Variants in ZNF454 observed in about 807,000 individuals in gnomAD.
The protein encoded by ZNF454 is zinc finger protein 454.
A neutral mutation model predicts 48.2 loss-of-function variants in ZNF454; 30 were observed. The observed-to-expected ratio is 0.62, with a 90% confidence interval of 0.47 to 0.84. The LOEUF (loss-of-function observed/expected upper bound fraction) is 0.84. ZNF454 is among the 40% of genes least tolerant of loss of function. ZNF454 has a pLI of 0.00. For missense variants in ZNF454, 510 were observed against 623.1 expected, an observed-to-expected ratio of 0.82 and a Z score of 1.93; for synonymous variants, 204 against 211.4, an observed-to-expected ratio of 0.97 and a Z score of 0.30.
chr5:178,987,102 G>C, the ZNF454 span: 3 of 1,054,044 alleles, frequency 2.8e-6, no homozygotes, highest in South Asian at 4.1e-5. Flanking sequence ...TGCTCATAAG[G>C]GACGTGCAAA....
the ZNF454 span, among the ~76,000 whole-genome samples, chr5:178,983,834 G>A: frequency 1.3e-5 from 2 of 152,308 alleles, no homozygotes; most frequent in East Asian, 3.9e-4. Flanking sequence ...TGGGGAACAG[G>A]AACGAAGCCA....
chr5:178,949,148 T>C (rs1759460208), intron 4 of ZNF454, among the ~76,000 whole-genome samples: 1 of 152,062 alleles, frequency 6.6e-6, no homozygotes, highest in Admixed American at 6.5e-5. Flanking sequence ...TCTCCCGAGT[T>C]CAAGCGATTC....
rs1009354446 is a variant in ZNF454, at chr5:178,944,946, C to G, written c.34-1413C>G. On this transcript the variant is annotated intron_variant, in intron 2 of 4. Coordinates refer to ENST00000519564, the MANE Select transcript of ZNF454 (RefSeq NM_001178089.3). The surrounding 1 kb of genome is among the most constrained non-coding windows in gnomAD (Gnocchi z 4.1). ...TTCTAAGAAAGGGACTAGTTCTAAT[C>G]AGAAGGAACAAGTTTCCTATTGTGC... Among the ~76,000 whole-genome samples the G allele has an allele frequency of 1.3e-5, 2 of 152,120 alleles. No homozygotes were observed. Among genetic ancestry groups the G allele is most frequent in the Non-Finnish European group, 2.9e-5 (2 of 68,028 alleles).
Position 178,946,552 on chromosome 5 carries a change from C to T in ZNF454, c.160+67C>T, listed in dbSNP as rs1374179775. ...TCTCTTTGGGACCCTTACATTGACA[C>T]CATATAGAAGAGTCGGTTGGACCAA... On this transcript the variant is annotated intron_variant, in intron 3 of 4. Coordinates refer to ENST00000519564, the MANE Select transcript of ZNF454 (RefSeq NM_001178089.3). This position sits in a 1 kb window ranked among gnomAD's most constrained non-coding sequence, Gnocchi z 4.5. 4.6e-6 allele frequency: 7 copies of T among 1,533,184 alleles called. No individual in the cohort carries two copies. The highest frequency in any genetic ancestry group is 6.1e-6 in the Non-Finnish European group (7 of 1,143,828). The allele number at this position is 1,533,184 out of a possible 1,614,324, so 95.0% of individuals were successfully genotyped here.
chr5:178,968,034 C>T (rs894959449), downstream of ZNF454, among the ~76,000 whole-genome samples: 3 of 151,956 alleles, frequency 2.0e-5, no homozygotes, highest in Non-Finnish European at 2.9e-5. Flanking sequence ...CCACCGCACC[C>T]GGCCACCTTC....
chr5:178,975,286 C>CA, the ZNF454 span, among the ~76,000 whole-genome samples: 1,424 of 151,680 alleles, frequency 9.4e-3, 20 homozygotes, highest in African/African-American at 0.033. Context: ...GTCTCAAAAA[C>CA]AAAAAAAAGA....
the ZNF454 span, chr5:178,982,943 G>A: frequency 6.2e-7 from 1 of 1,614,076 alleles, no homozygotes; most frequent in Non-Finnish European, 8.5e-7. Flanking sequence ...CAAAGAAGAT[G>A]GGCACGAATG....
chr5:178,951,157 C>G (rs907003027), intron 4 of ZNF454, among the ~76,000 whole-genome samples: 1 of 152,142 alleles, frequency 6.6e-6, no homozygotes, highest in African/African-American at 2.4e-5. Context: ...TGCACCCGGC[C>G]TTAAAGAACT....
At chr5:178,971,918 G>T in the ZNF454 span, among the ~76,000 whole-genome samples, 1 of 151,904 alleles carries the variant, frequency 6.6e-6, no homozygotes, top group African/African-American at 2.4e-5. Context: ...CAGCCAAAAG[G>T]TTTGTTTTTT....
At chr5:178,983,370 C>G in the ZNF454 span, 1 of 761,034 alleles carries the variant, frequency 1.3e-6, no homozygotes, top group Non-Finnish European at 2.3e-6. Context: ...CTCAGGAGCA[C>G]TCAGTGGAGA....
chr5:178,989,257 G>T, the ZNF454 span: 11 of 1,558,120 alleles, frequency 7.1e-6, no homozygotes, highest in Non-Finnish European at 9.6e-6. Flanking sequence ...ACCCTGGGCA[G>T]CTCTCACCTG....
chr5:178,956,285 G>A (rs139696165), intron 4 of ZNF454, among the ~76,000 whole-genome samples: 27 of 152,056 alleles, frequency 1.8e-4, no homozygotes, highest in African/African-American at 5.3e-4. Flanking sequence ...CATTGGGTCC[G>A]TTTTCTCTAG....
At chr5:178,984,972 G>T in the ZNF454 span, among the ~76,000 whole-genome samples, 2 of 152,052 alleles carry the variant, frequency 1.3e-5, no homozygotes, top group Admixed American at 6.5e-5. Context: ...CATCCAGGGC[G>T]CCCCAGACTC....
At chr5:178,969,594 C>G (rs1186744946), downstream of ZNF454, 1 of 456,764 alleles carries the variant, frequency 2.2e-6, no homozygotes, top group Non-Finnish European at 4.4e-6. Context: ...GTCCAGCCTG[C>G]GCCTGCTTCA....
In ZNF454 at chr5:178,946,136, C is replaced by T. The variant is rs965119748; in HGVS notation, c.34-223C>T. On this transcript the variant is annotated intron_variant, in intron 2 of 4. Transcript: ENST00000519564. The surrounding 1 kb of genome is among the most constrained non-coding windows in gnomAD (Gnocchi z 4.5). ...AAGTCCCAGTGCTGAGAAAGCCTAT[C>T]TTCGCCACCATATATGTTTCTTCAG... Among the ~76,000 whole-genome samples the T allele has an allele frequency of 1.3e-5, 2 of 152,088 alleles. No homozygotes were observed. Among genetic ancestry groups the T allele is most frequent in the Non-Finnish European group, 2.9e-5 (2 of 68,002 alleles).
rs923512378 is a variant in ZNF454 at position 178,958,934 on chromosome 5, T to C, written c.251-5721T>C. The stretch of plus-strand genomic sequence containing the variant: ...GAAATGCAGAATCTTGTCATATATA[T>C]GCAAATATTGTTTCCCACTCTGGAT... On this transcript the variant is annotated intron_variant, in intron 4 of 4. Coordinates refer to ENST00000519564, the MANE Select transcript of ZNF454 (RefSeq NM_001178089.3). 3.3e-5 allele frequency among the ~76,000 whole-genome samples: 5 copies of C among 152,208 alleles called. No individual in the cohort carries two copies. The East Asian group carries it at 9.6e-4, about 29-fold the overall frequency.
At chr5:178,943,919 C>T (rs1052217064) in intron 2 of ZNF454, among the ~76,000 whole-genome samples, 2 of 152,074 alleles carry the variant, frequency 1.3e-5, no homozygotes, top group South Asian at 2.1e-4. Context: ...CCCAGCTACT[C>T]GGGAGGCTGA....
chr5:178,946,620 C>T lies in ZNF454; in HGVS notation c.160+135C>T. ...AAGGGTGCCATTAATTTTACCTGTC[C>T]TTGGTGTCCTGGGCACAGGCCTCTT... On this transcript the variant is annotated intron_variant, in intron 3 of 4. Transcript: ENST00000519564. This position sits in a 1 kb window ranked among gnomAD's most constrained non-coding sequence, Gnocchi z 4.5. The T allele has an allele frequency of 7.9e-7, 1 of 1,261,922 alleles. No homozygotes were observed. Among genetic ancestry groups the T allele is most frequent in the Non-Finnish European group, 1.1e-6 (1 of 926,912 alleles). 78.2% of individuals were successfully genotyped at this position (1,261,922 alleles called of 1,614,324 possible).
chr5:178,967,623 T>C (rs1415092695), downstream of ZNF454, among the ~76,000 whole-genome samples: 1 of 152,006 alleles, frequency 6.6e-6, no homozygotes, highest in East Asian at 1.9e-4. Flanking sequence ...CAAGAAGTGG[T>C]CACTAGCACC....
Sources: allele counts gnomAD v4.1 joint callset (sites outside exome capture counted in the v4.1 genomes callset), GRCh38; gene constraint gnomAD v4.1.1; non-coding constraint Gnocchi (gnomAD v3.1); transcripts MANE v1.5; gene names NCBI Gene and HGNC (gene_info 2026-07-23, HGNC 2026-07-21).